CROCC2: variants seen among roughly 807,000 people sequenced by gnomAD.
The protein encoded by CROCC2 is ciliary rootlet coiled-coil protein 2.
A neutral mutation model predicts 177.6 loss-of-function variants in CROCC2; 163 were observed. That is an observed-to-expected ratio of 0.92 (90% CI 0.81 to 1.05). CROCC2 has a LOEUF of 1.05. Among genes scored for constraint, CROCC2 ranks in the 50% least tolerant of loss-of-function variants. The pLI, the probability that CROCC2 is intolerant of heterozygous loss-of-function variation, is 0.00. For missense variants in CROCC2, 1,929 were observed against 1,797.8 expected (o/e 1.07, Z -1.32); for synonymous variants, 904 against 787.3 (o/e 1.15, Z -2.48).
intron 5 of CROCC2, among the ~76,000 whole-genome samples, chr2:240,926,240 C>G (rs2059395082): frequency 6.6e-6 from 1 of 152,228 alleles, no homozygotes; most frequent in Non-Finnish European, 1.5e-5. Flanking sequence ...TTGGAAGGAG[C>G]CTGGGGCTGC....
rs1373485108 is a variant in CROCC2 at position 240,958,392 on chromosome 2, C to T, written c.2944-909C>T. Reference sequence around the variant, plus strand: ...GACCAGAGGGGGTTGTAAAGAATGACGACAGGAGGCAGCAGCATGGCTCCT... The same window carrying T: ...GACCAGAGGGGGTTGTAAAGAATGATGACAGGAGGCAGCAGCATGGCTCCT... On this transcript the variant is annotated intron_variant, in intron 19 of 31. Coordinates refer to ENST00000690015, the MANE Select transcript of CROCC2 (RefSeq NM_001351305.2). This position sits in a 1 kb window ranked among gnomAD's most constrained non-coding sequence, Gnocchi z 6.7. 2.0e-5 allele frequency: 5 copies of T among 252,252 alleles called. No homozygotes were observed. The highest frequency in any genetic ancestry group is 3.1e-5 in the Non-Finnish European group (5 of 159,656). The allele number at this position is 252,252 out of a possible 1,614,324, so 15.6% of individuals were successfully genotyped here.
chr2:240,982,758 T>C lies in CROCC2; in HGVS notation c.4402-122T>C. ...GTTGTCCTTAACCACGTTCTTGCTG[T>C]TTTCATCCCAGCGATACGGTCCTGC... is the stretch of plus-strand genomic sequence containing the variant. On this transcript the variant is annotated intron_variant, in intron 27 of 31. Transcript: ENST00000690015. This position sits in a 1 kb window ranked among gnomAD's most constrained non-coding sequence, Gnocchi z 4.7. 1.2e-6 allele frequency: 1 copy of C among 823,994 alleles called. No homozygotes were observed. The highest frequency in any genetic ancestry group is 1.9e-6 in the Non-Finnish European group (1 of 534,592). The allele number at this position is 823,994 out of a possible 1,614,324, so 51.0% of individuals were successfully genotyped here.
chr2:240,967,989 C>A (rs1473022069), intron 26 of CROCC2, 140 bp from the exon 27 acceptor site: 50 of 878,342 alleles, frequency 5.7e-5, no homozygotes, highest in Non-Finnish European at 7.8e-5. Context: ...CCTGGGGCAG[C>A]CCCAGGACCC....
chr2:240,928,305 C>T (rs1263943212), intron 5 of CROCC2, among the ~76,000 whole-genome samples: 1 of 152,182 alleles, frequency 6.6e-6, no homozygotes, highest in Admixed American at 6.5e-5. Context: ...TGAGACTATC[C>T]TGGTGATGTA....
chr2:240,922,293 C>A (rs946512306), intron 3 of CROCC2, among the ~76,000 whole-genome samples: 1 of 152,150 alleles, frequency 6.6e-6, no homozygotes, highest in Non-Finnish European at 1.5e-5. Context: ...ATCAGTGCAA[C>A]CCAGCATGCC....
chr2:240,941,789 C>T (rs986112592), intron 14 of CROCC2, among the ~76,000 whole-genome samples: 56 of 152,164 alleles, frequency 3.7e-4, no homozygotes, highest in African/African-American at 1.4e-3. Context: ...GAATGTGTCC[C>T]CTCCAAAATG....
intron 1 of CROCC2, among the ~76,000 whole-genome samples, chr2:240,914,457 TCCGAGATGCCGTCCAAACCCCCAG>T (rs2059306200): frequency 6.6e-6 from 1 of 152,202 alleles, no homozygotes; most frequent in Non-Finnish European, 1.5e-5. Context: ...TGAGCACTGG[TCCGAGATGCCGTCCAAACCCCCAG>T]CCCCAGCCTC....
rs371586205 is a variant in CROCC2 at position 240,921,299 on chromosome 2, C to T, written c.381+1165C>T. On this transcript the variant is annotated intron_variant, in intron 3 of 31. Coordinates refer to ENST00000690015, the MANE Select transcript of CROCC2 (RefSeq NM_001351305.2). Reference sequence around the variant, plus strand: ...CGCCCTGACCCCCACACGGGAAACACGTTTCCATCCATTGTTGCTGGCACC... The same window carrying T: ...CGCCCTGACCCCCACACGGGAAACATGTTTCCATCCATTGTTGCTGGCACC... 2.6e-5 allele frequency among the ~76,000 whole-genome samples: 4 copies of T among 152,174 alleles called. No individual in the cohort carries two copies. The South Asian group carries it at 6.2e-4, about 24-fold the overall frequency.
At chr2:240,933,973 G>A (rs2059450705) in intron 11 of CROCC2, 121 bp downstream of exon 11, 1 of 1,156,400 alleles carries the variant, frequency 8.6e-7, no homozygotes, top group South Asian at 1.5e-5. Context: ...CTCAGGGTGT[G>A]GTGGCCCTAA....
chr2:240,989,893 C>T (rs2106495479), intron 30 of CROCC2, 60 bp downstream of exon 30: 2 of 1,449,524 alleles, frequency 1.4e-6, no homozygotes, highest in African/African-American at 1.4e-5. Context: ...GGACTGGCAT[C>T]CCCGCAGTCA....
intron 3 of CROCC2, among the ~76,000 whole-genome samples, chr2:240,921,624 G>A (rs1463189073): frequency 6.6e-6 from 1 of 152,216 alleles, no homozygotes; most frequent in African/African-American, 2.4e-5. Flanking sequence ...GTGCCAGGAG[G>A]CTGGGTCTAA....
Position 240,946,203 on chromosome 2 carries a change from G to A in CROCC2, c.2313G>A (p.Glu771=). ...EERAQLLAKQ[E]ALERQGRLAA... is the part of the protein sequence containing the mutation. ...GGGCCCAGCTGCTGGCCAAGCAGGA[G>A]GCCTTGGAGAGGCAGGGCCGGCTCG... The change falls in exon 15 of 32, where the codon GAG becomes GAA. Residue 771 remains glutamate (E), a synonymous_variant. Coordinates refer to ENST00000690015, the MANE Select transcript of CROCC2 (RefSeq NM_001351305.2). 2 of 1,546,196 alleles carry A rather than the reference G, an allele frequency of 1.3e-6. No homozygotes were observed. The highest frequency in any genetic ancestry group is 1.7e-6 in the Non-Finnish European group (2 of 1,143,300).
intron 10 of CROCC2, 98 bp downstream of exon 10, chr2:240,933,440 G>T: frequency 7.7e-7 from 1 of 1,298,738 alleles, no homozygotes; most frequent in Admixed American, 2.8e-5. Flanking sequence ...AGCTGGAGGG[G>T]TTGCCAGCCG....
chr2:240,973,933 A>G lies in CROCC2; in HGVS notation c.4401+5671A>G, dbSNP rs1173406124. Among the ~76,000 whole-genome samples, 3 of 152,254 alleles carry G rather than the reference A, an allele frequency of 2.0e-5. No individual in the cohort carries two copies. On this transcript the variant is annotated intron_variant, in intron 27 of 31. Transcript: ENST00000690015. This position sits in a 1 kb window ranked among gnomAD's most constrained non-coding sequence, Gnocchi z 4.7. ...CTGTACATATTCCGCAGCTGTCATC[A>G]TAAAGAATACACTTTAATTCCCTTT...
chr2:240,969,920 G>T (rs1251394530), intron 27 of CROCC2, among the ~76,000 whole-genome samples: 1 of 152,066 alleles, frequency 6.6e-6, no homozygotes, highest in African/African-American at 2.4e-5. Flanking sequence ...GTAGAGACAG[G>T]TTTCACACCA....
At chr2:240,940,510 G>T (rs1167613859) in intron 14 of CROCC2, among the ~76,000 whole-genome samples, 1 of 152,026 alleles carries the variant, frequency 6.6e-6, no homozygotes, top group Non-Finnish European at 1.5e-5. Flanking sequence ...GATCAAGTGG[G>T]TTTCATACCA....
intron 15 of CROCC2, among the ~76,000 whole-genome samples, chr2:240,947,458 C>A (rs985557796): frequency 1.3e-5 from 2 of 152,182 alleles, no homozygotes; most frequent in African/African-American, 4.8e-5. Flanking sequence ...GCCCTGCAGG[C>A]CCCAGCATCA....
In CROCC2 at chr2:240,966,341, G is replaced by A. The variant is rs891991054; in HGVS notation, c.4078G>A (p.Asp1360Asn). ...CGGAGGCCGCAGCTCAGAGCTCATG[G>A]ATGTGGCCACCGTGCAGGACATCCT... ...TPGGRSSELM[D>N]VATVQDILRD... Residue 1360 changes from aspartate (D) to asparagine (N), a missense_variant, in exon 25 of 32, where the codon GAT (aspartate) becomes AAT (asparagine). Around this residue, in one of 3 missense-constraint regions of CROCC2, gnomAD observed 388 missense variants for 352.7 expected, o/e 1.10. Transcript: ENST00000690015. 21 of 406,048 alleles carry A rather than the reference G, an allele frequency of 5.2e-5. No individual in the cohort carries two copies. Among genetic ancestry groups the A allele is most frequent in the Admixed American group, 8.7e-5 (2 of 22,950 alleles). 25.2% of individuals were successfully genotyped at this position (406,048 alleles called of 1,614,324 possible). A position where few individuals can be genotyped will look rare whatever the true frequency, so the allele number is the denominator to read the frequency against.
At chr2:240,910,630 C>T (rs1032769257) in intron 1 of CROCC2, among the ~76,000 whole-genome samples, 5 of 152,184 alleles carry the variant, frequency 3.3e-5, no homozygotes, top group African/African-American at 4.8e-5. Flanking sequence ...GTGGTTGCCC[C>T]GAAGTGGCAT....
Sources: gnomAD v4.1 joint callset for allele counts (sites outside exome capture counted in the v4.1 genomes callset) on GRCh38, gnomAD v4.1.1 for gene constraint, gnomAD v4.1.1 regional missense constraint, Gnocchi (gnomAD v3.1) non-coding constraint, MANE v1.5 for transcripts, NCBI Gene and HGNC (gene_info 2026-07-23, HGNC 2026-07-21) for gene names.